The following SYT16 variants were observed in gnomAD, a reference collection of about 807,000 sequenced individuals.
SYT16 encodes synaptotagmin-16.
In SYT16, 42 loss-of-function variants were observed where a neutral mutation model predicts 61.4. The observed-to-expected ratio is 0.68, with a 90% CI of 0.53 to 0.89. The LOEUF is 0.89. SYT16 is among the 40% of genes least tolerant of loss of function. SYT16 has a pLI of 0.00. For synonymous variants in SYT16, 314 were observed against 302.3 expected (o/e 1.04, Z -0.40); for missense variants, 804 against 807.3 (o/e 1.00, Z 0.05).
chr14:61,903,245 GA>G (rs1343492517), intron 1 of SYT16, among the ~76,000 whole-genome samples: 6 of 151,892 alleles, frequency 4.0e-5, no homozygotes, highest in Non-Finnish European at 5.9e-5. Context: ...GTTAATGGGG[GA>G]TTAAGTCTTC....
At chr14:61,859,665 A>T (rs1431150743) in intron 1 of SYT16, among the ~76,000 whole-genome samples, 1 of 151,848 alleles carries the variant, frequency 6.6e-6, no homozygotes, top group Admixed American at 6.6e-5. Flanking sequence ...CTGGATATAT[A>T]CCCCAGACAA....
At chr14:61,926,380 T>C (rs2049538785) in intron 1 of SYT16, among the ~76,000 whole-genome samples, 1 of 152,204 alleles carries the variant, frequency 6.6e-6, no homozygotes, top group Non-Finnish European at 1.5e-5. Flanking sequence ...GCATCTTCTC[T>C]GCAACACCCT....
At chr14:61,979,706 A>T (rs1164258132) in intron 2 of SYT16, among the ~76,000 whole-genome samples, 4 of 152,030 alleles carry the variant, frequency 2.6e-5, no homozygotes, top group African/African-American at 9.7e-5. Flanking sequence ...ACATGGTGAA[A>T]CCCCGTCTCT....
Position 62,106,565 on chromosome 14 carries a change from A to T in SYT16, c.*5858A>T, listed in dbSNP as rs531474548. The T allele has an allele frequency of 1.3e-5, 2 of 152,286 alleles. No homozygotes were observed. Among genetic ancestry groups the T allele is most frequent in the East Asian group, 3.9e-4 (2 of 5,184 alleles). The allele number at this position is 152,286 out of a possible 1,614,324, so 9.4% of individuals were successfully genotyped here. A position where few individuals can be genotyped will look rare whatever the true frequency, so the allele number is the denominator to read the frequency against. ...CCTTCTAATATTTAGGTGTAACGTT[A>T]AAAAAGAATCAACAATAACACTCCA... On this transcript the variant is annotated 3_prime_UTR_variant, in exon 8 of 8. Coordinates refer to ENST00000683842, the MANE Select transcript of SYT16 (RefSeq NM_001367656.1).
chr14:62,076,864 C>T (rs2056515864), intron 5 of SYT16, among the ~76,000 whole-genome samples: 1 of 152,168 alleles, frequency 6.6e-6, no homozygotes, highest in African/African-American at 2.4e-5. Context: ...TCCAGGTCAC[C>T]TCCCATTTAC....
chr14:61,927,236 A>G (rs896211444), intron 1 of SYT16, among the ~76,000 whole-genome samples: 5 of 152,324 alleles, frequency 3.3e-5, no homozygotes, highest in Admixed American at 6.5e-5. Context: ...CTATAAAGCT[A>G]TTCAGTGAAA....
chr14:62,030,293 T>G (rs1368218298), intron 3 of SYT16, among the ~76,000 whole-genome samples: 2 of 152,240 alleles, frequency 1.3e-5, no homozygotes, highest in Non-Finnish European at 2.9e-5. Flanking sequence ...TTTTGTCCGC[T>G]TATATCATCC....
At chr14:62,046,036 C>T (rs2054964985) in intron 3 of SYT16, among the ~76,000 whole-genome samples, 1 of 152,196 alleles carries the variant, frequency 6.6e-6, no homozygotes, top group Admixed American at 6.5e-5. Context: ...ACACTGACTT[C>T]CACAGGGTTG....
chr14:61,921,344 C>A (rs2049328716), intron 1 of SYT16, among the ~76,000 whole-genome samples: 1 of 152,186 alleles, frequency 6.6e-6, no homozygotes, highest in Non-Finnish European at 1.5e-5. Flanking sequence ...TTCCTTATTG[C>A]AAAGGCCATG....
intron 2 of SYT16, among the ~76,000 whole-genome samples, chr14:61,993,635 A>G (rs1412191180): frequency 6.6e-6 from 1 of 152,102 alleles, no homozygotes; most frequent in African/African-American, 2.4e-5. Context: ...AACTTACACA[A>G]AATATTTGCA....
intron 7 of SYT16, among the ~76,000 whole-genome samples, chr14:62,099,929 CACAT>C (rs2057377909): frequency 6.6e-6 from 1 of 152,158 alleles, no homozygotes; most frequent in South Asian, 2.1e-4. Context: ...CATGCACACA[CACAT>C]ACACAGACAT....
intron 3 of SYT16, among the ~76,000 whole-genome samples, chr14:62,066,086 C>T (rs546548705): frequency 1.7e-4 from 26 of 152,288 alleles, no homozygotes; most frequent in African/African-American, 6.3e-4. Flanking sequence ...GATGCATGTC[C>T]AGCAGGAAGT....
chr14:61,926,137 A>G (rs531492266), intron 1 of SYT16, among the ~76,000 whole-genome samples: 1 of 152,290 alleles, frequency 6.6e-6, no homozygotes, highest in Admixed American at 6.5e-5. Context: ...ATAGACTGAG[A>G]ACTCAATAGA....
intron 1 of SYT16, among the ~76,000 whole-genome samples, chr14:61,900,753 A>G (rs908020861): frequency 6.6e-5 from 10 of 152,164 alleles, no homozygotes; most frequent in Admixed American, 2.0e-4. Context: ...TATCCTCCCA[A>G]TTCCATTCCA....
chr14:61,947,250 C>T (rs2050476213), intron 1 of SYT16, among the ~76,000 whole-genome samples: 1 of 144,644 alleles, frequency 6.9e-6, no homozygotes, highest in African/African-American at 2.6e-5. Flanking sequence ...ATCTTTTGGC[C>T]TCTGACTTTA....
At chr14:61,906,572 A>G (rs1008069526) in intron 1 of SYT16, among the ~76,000 whole-genome samples, 1 of 152,104 alleles carries the variant, frequency 6.6e-6, no homozygotes, top group Non-Finnish European at 1.5e-5. Context: ...TTTGTAAATC[A>G]TCTCCTATAT....
rs143916565 is a variant in SYT16 at position 62,075,114 on chromosome 14, G to T, written c.737-21G>T. The T allele has an allele frequency of 2.6e-3, 4,093 of 1,584,330 alleles. 13 individuals carry two copies. The highest frequency in any genetic ancestry group is 3.3e-3 in the Non-Finnish European group (3,882 of 1,161,188). ...TGTTAAAAATAATGCATTTGAAATG[G>T]TTTTCTTATTGCAAATTTAGATTTG... On this transcript the variant is annotated intron_variant, in intron 4 of 7. Transcript: ENST00000683842.
chr14:61,912,068 A>C (rs2048953704), intron 1 of SYT16, among the ~76,000 whole-genome samples: 1 of 152,208 alleles, frequency 6.6e-6, no homozygotes, highest in South Asian at 2.1e-4. Flanking sequence ...GTATATTTTC[A>C]AGATGATTAT....
At chr14:62,045,510 G>C (rs1251896779) in intron 3 of SYT16, among the ~76,000 whole-genome samples, 1 of 152,044 alleles carries the variant, frequency 6.6e-6, no homozygotes, top group African/African-American at 2.4e-5. Context: ...GTGCAGGTTT[G>C]TTACATATGT....
Sources: gnomAD v4.1 joint callset for allele counts (sites outside exome capture counted in the v4.1 genomes callset) on GRCh38, gnomAD v4.1.1 for gene constraint, MANE v1.5 for transcripts, NCBI Gene and HGNC (gene_info 2026-07-23, HGNC 2026-07-21) for gene names.